Variants in HHAT observed in about 807,000 individuals in gnomAD.
HHAT encodes protein-cysteine N-palmitoyltransferase HHAT.
In HHAT, 47 loss-of-function variants were observed where a neutral mutation model predicts 70.8. That is an observed-to-expected ratio of 0.66 (90% CI 0.53 to 0.85). The LOEUF (loss-of-function observed/expected upper bound fraction) is 0.85. Among genes scored for constraint, HHAT ranks in the 40% least tolerant of loss-of-function variants. HHAT has a pLI of 0.00. For missense variants in HHAT, 609 were observed against 604.8 expected, an observed-to-expected ratio of 1.01 and a Z score of -0.07; for synonymous variants, 228 against 247.6, an observed-to-expected ratio of 0.92 and a Z score of 0.74.
intron 9 of HHAT, among the ~76,000 whole-genome samples, chr1:210,577,637 ATTTTTTTTT>A (rs1192626068): frequency 1.7e-5 from 1 of 60,206 alleles, no homozygotes; most frequent in African/African-American, 6.8e-5. Context: ...GGCCTGTAGG[ATTTTTTTTT>A]TTTTTTTTTT....
intron 6 of HHAT, among the ~76,000 whole-genome samples, chr1:210,407,112 C>T (rs2092362053): frequency 1.3e-5 from 2 of 152,062 alleles, no homozygotes; most frequent in Non-Finnish European, 2.9e-5. Context: ...TGGGGAACTT[C>T]CCTTCTGTGG....
intron 9 of HHAT, among the ~76,000 whole-genome samples, chr1:210,547,962 A>C (rs1386677036): frequency 6.6e-6 from 1 of 152,200 alleles, no homozygotes; most frequent in Non-Finnish European, 1.5e-5. Context: ...ATTTTCATGT[A>C]GGGTGGGTAT....
chr1:210,411,033 A>AT (rs1427636046), intron 6 of HHAT, among the ~76,000 whole-genome samples: 1 of 152,120 alleles, frequency 6.6e-6, no homozygotes, highest in African/African-American at 2.4e-5. Context: ...GTACCTCATG[A>AT]TTTTTCTTAA....
chr1:210,476,000 T>C (rs2094300812), intron 8 of HHAT, among the ~76,000 whole-genome samples: 1 of 152,266 alleles, frequency 6.6e-6, no homozygotes, highest in South Asian at 2.1e-4. Flanking sequence ...ATGTGCTAAC[T>C]GCATTTAAAT....
At chr1:210,670,111 C>T (rs1017406980) in intron 11 of HHAT, among the ~76,000 whole-genome samples, 1 of 152,176 alleles carries the variant, frequency 6.6e-6, no homozygotes, top group Non-Finnish European at 1.5e-5. Flanking sequence ...GCCTGCATGA[C>T]TGTGTACCAT....
intron 3 of HHAT, among the ~76,000 whole-genome samples, chr1:210,373,803 G>A (rs1290372573): frequency 2.6e-5 from 4 of 152,210 alleles, no homozygotes; most frequent in Non-Finnish European, 5.9e-5. Flanking sequence ...ATGTTATCTA[G>A]AGAAGGATGG....
intron 9 of HHAT, among the ~76,000 whole-genome samples, chr1:210,577,389 G>C (rs770385288): frequency 6.6e-6 from 1 of 152,064 alleles, no homozygotes; most frequent in African/African-American, 2.4e-5. Context: ...TATCATAAAA[G>C]TTTGTTTAAT....
intron 6 of HHAT, among the ~76,000 whole-genome samples, chr1:210,411,407 A>G (rs1201521110): frequency 1.3e-5 from 2 of 152,176 alleles, no homozygotes; most frequent in African/African-American, 4.8e-5. Context: ...TCTGCTGTCA[A>G]CACTGCTTTT....
At chr1:210,427,983 G>A (rs1440675042) in intron 7 of HHAT, among the ~76,000 whole-genome samples, 1 of 151,752 alleles carries the variant, frequency 6.6e-6, no homozygotes, top group East Asian at 1.9e-4. Context: ...TCCTGTGTTG[G>A]GTGCATATAT....
intron 8 of HHAT, among the ~76,000 whole-genome samples, chr1:210,478,127 T>A (rs1211970225): frequency 1.3e-5 from 2 of 152,174 alleles, no homozygotes; most frequent in Non-Finnish European, 2.9e-5. Context: ...GGATGTGGTA[T>A]ATTTGAGACA....
chr1:210,542,496 A>AAATGT (rs56743887), intron 9 of HHAT, among the ~76,000 whole-genome samples: 1 of 149,440 alleles, frequency 6.7e-6, no homozygotes, highest in East Asian at 2.0e-4. Context: ...TTAAAAAAAA[A>AAATGT]ATATATATAT....
intron 10 of HHAT, among the ~76,000 whole-genome samples, chr1:210,593,592 T>C (rs79010576): frequency 0.015 from 2,283 of 152,280 alleles, 70 homozygotes; most frequent in African/African-American, 0.052. Flanking sequence ...GCCTAACATA[T>C]GGTCTATCCT....
At chr1:210,631,524 C>T (rs1670869998) in intron 11 of HHAT, among the ~76,000 whole-genome samples, 1 of 152,250 alleles carries the variant, frequency 6.6e-6, no homozygotes, top group African/African-American at 2.4e-5. Context: ...TCTGACATTG[C>T]ATTAGATTGC....
intron 3 of HHAT, among the ~76,000 whole-genome samples, chr1:210,363,134 A>ATC (rs2088540611): frequency 6.6e-6 from 1 of 152,180 alleles, no homozygotes; most frequent in Non-Finnish European, 1.5e-5. Flanking sequence ...GATACCAGAA[A>ATC]TGTGACTAAC....
At chr1:210,658,113 A>T (rs932607100) in intron 11 of HHAT, among the ~76,000 whole-genome samples, 8 of 152,196 alleles carry the variant, frequency 5.3e-5, no homozygotes, top group Non-Finnish European at 1.2e-4. Context: ...GTAGGAAGAA[A>T]GAAGGCAAGT....
chr1:210,581,927 C>T (rs1235995971), intron 9 of HHAT, among the ~76,000 whole-genome samples: 4 of 152,126 alleles, frequency 2.6e-5, no homozygotes, highest in African/African-American at 9.7e-5. Flanking sequence ...CATACACACG[C>T]ATACACATAC....
chr1:210,584,466 C>A (rs1659986108), intron 9 of HHAT, among the ~76,000 whole-genome samples: 1 of 152,168 alleles, frequency 6.6e-6, no homozygotes. Flanking sequence ...CAGCAGTTAC[C>A]TCCATGCAGG....
intron 10 of HHAT, chr1:210,588,421 C>T (rs1349401123): frequency 1.1e-5 from 3 of 262,066 alleles, no homozygotes; most frequent in African/African-American, 2.2e-5. Flanking sequence ...TGTGTATATA[C>T]AAACAGACAT....
Position 210,370,163 on chromosome 1 carries a change from CTTTT to C in HHAT, c.159+7267_159+7270del, listed in dbSNP as rs200442278. ...TATTTTCTCCTAGCTTCTTCAATGA[CTTTT>C]TTTTTTTTTTTTTTTTTTTTTTCCT... On this transcript the variant is annotated intron_variant, in intron 3 of 11. Transcript: ENST00000261458. 1.9e-3 allele frequency among the ~76,000 whole-genome samples: 237 copies of C among 122,356 alleles called. 2 individuals are homozygous for C. The highest frequency in any genetic ancestry group is 7.7e-3 in the African/African-American group (226 of 29,524). 80.3% of individuals were successfully genotyped at this position (122,356 alleles called of 152,430 possible).
Sources: allele counts gnomAD v4.1 joint callset (sites outside exome capture counted in the v4.1 genomes callset), GRCh38; gene constraint gnomAD v4.1.1; transcripts MANE v1.5; gene names NCBI Gene and HGNC (gene_info 2026-07-23, HGNC 2026-07-21).